The following NKAIN2 variants were observed in gnomAD, a reference collection of about 807,000 sequenced individuals.
NKAIN2 encodes sodium/potassium transporting ATPase interacting 2.
In NKAIN2, 14 loss-of-function variants were observed where a neutral mutation model predicts 32.6. The ratio of observed to expected loss-of-function variants is 0.43; its 90% CI spans 0.28 to 0.67. The LOEUF is 0.67. NKAIN2 is among the 30% of genes least tolerant of loss of function. The probability of loss-of-function intolerance (pLI) is 0.17; values close to 1 mark genes in which losing one functional copy is unlikely to be tolerated. For synonymous variants in NKAIN2, 80 were observed against 87.2 expected, an observed-to-expected ratio of 0.92 and a Z score of 0.46; for missense variants, 198 against 258.3, an observed-to-expected ratio of 0.77 and a Z score of 1.60.
intron 4 of NKAIN2, among the ~76,000 whole-genome samples, chr6:124,721,526 C>T (rs141172209): frequency 0.016 from 2,394 of 152,196 alleles, 30 homozygotes; most frequent in Middle Eastern, 0.034. Context: ...CCGCTGGCTG[C>T]CAAGTTTTAC....
rs573908074 is a variant in NKAIN2 at position 124,258,009 on chromosome 6, G to A, written c.55-24996G>A. ...TTGGCCAGGCTGGTCTCAAACTCCC[G>A]ATCTCAGGTGATTCATTGCCTCGGC... On this transcript the variant is annotated intron_variant, in intron 1 of 6. Transcript: ENST00000368417. Among the ~76,000 whole-genome samples, 14 of 152,004 alleles carry A rather than the reference G, an allele frequency of 9.2e-5. No individual in the cohort carries two copies. In the South Asian group the frequency reaches 1.9e-3, roughly 20 times the overall value.
intron 1 of NKAIN2, among the ~76,000 whole-genome samples, chr6:124,260,070 T>A (rs1252734469): frequency 6.6e-6 from 1 of 152,214 alleles, no homozygotes; most frequent in Admixed American, 6.5e-5. Context: ...TAAATCACTC[T>A]AATAACAAGC....
At chr6:124,172,845 T>G (rs1788963366) in intron 1 of NKAIN2, among the ~76,000 whole-genome samples, 1 of 152,174 alleles carries the variant, frequency 6.6e-6, no homozygotes, top group African/African-American at 2.4e-5. Context: ...AGAAATCAGT[T>G]TCTATCATTT....
intron 2 of NKAIN2, among the ~76,000 whole-genome samples, chr6:124,322,138 C>A (rs1797224280): frequency 6.6e-6 from 1 of 151,852 alleles, no homozygotes; most frequent in East Asian, 1.9e-4. Context: ...CTTTGTAAAC[C>A]AGATTTAGTA....
chr6:124,549,312 G>C (rs1310915478), intron 3 of NKAIN2, among the ~76,000 whole-genome samples: 1 of 152,172 alleles, frequency 6.6e-6, no homozygotes, highest in Non-Finnish European at 1.5e-5. Flanking sequence ...AGGTTGCAGT[G>C]AGCGGAGACT....
intron 4 of NKAIN2, among the ~76,000 whole-genome samples, chr6:124,769,433 G>A (rs1275134088): frequency 1.3e-5 from 2 of 152,128 alleles, no homozygotes; most frequent in Non-Finnish European, 2.9e-5. Context: ...CTCTGTTTCT[G>A]TAGTTCCTCC....
chr6:123,879,524 C>A (rs2114320424), intron 1 of NKAIN2, among the ~76,000 whole-genome samples: 1 of 152,298 alleles, frequency 6.6e-6, no homozygotes. Flanking sequence ...TGACACAGCT[C>A]TGCTCCTGGT....
chr6:124,664,180 C>T (rs925053412), intron 4 of NKAIN2, among the ~76,000 whole-genome samples: 1 of 151,644 alleles, frequency 6.6e-6, no homozygotes, highest in African/African-American at 2.4e-5. Flanking sequence ...GAGGCTGAGG[C>T]AGGAGAATTG....
In NKAIN2 at chr6:124,476,344, T is replaced by C. The variant is rs942506460; in HGVS notation, c.273+120997T>C. ...GAAGCGTCATTACCTCTTAAGGAGG[T>C]TTTAAATCAATCAAACCTGTTTCTT... On this transcript the variant is annotated intron_variant, in intron 3 of 6. Coordinates refer to ENST00000368417, the MANE Select transcript of NKAIN2 (RefSeq NM_001040214.3). Among the ~76,000 whole-genome samples, 9 of 149,312 alleles carry C rather than the reference T, an allele frequency of 6.0e-5. No homozygotes were observed. In the Admixed American group the frequency reaches 6.1e-4, roughly 10 times the overall value.
At chr6:124,499,704 T>G (rs1427322228) in intron 3 of NKAIN2, among the ~76,000 whole-genome samples, 1 of 152,206 alleles carries the variant, frequency 6.6e-6, no homozygotes, top group Non-Finnish European at 1.5e-5. Flanking sequence ...AGAGTCTCTG[T>G]GATCATATCC....
chr6:123,883,894 CAAAA>C (rs369070419), intron 1 of NKAIN2, among the ~76,000 whole-genome samples: 3 of 63,874 alleles, frequency 4.7e-5, no homozygotes, highest in African/African-American at 1.2e-4. Flanking sequence ...GACTCTGTCT[CAAAA>C]AAAAAAAAAA....
At chr6:124,211,147 T>C (rs1303983703) in intron 1 of NKAIN2, among the ~76,000 whole-genome samples, 1 of 151,864 alleles carries the variant, frequency 6.6e-6, no homozygotes, top group East Asian at 1.9e-4. Context: ...TAAATTTTCC[T>C]TGTCTCTCCT....
intron 1 of NKAIN2, among the ~76,000 whole-genome samples, chr6:123,907,506 G>A (rs1294849099): frequency 3.3e-5 from 5 of 152,094 alleles, no homozygotes; most frequent in African/African-American, 9.7e-5. Context: ...AGATTATTAT[G>A]TAAATATATG....
chr6:124,054,813 T>A (rs756149351), intron 1 of NKAIN2, among the ~76,000 whole-genome samples: 3 of 151,966 alleles, frequency 2.0e-5, no homozygotes, highest in East Asian at 1.9e-4. Context: ...TACATTCAGG[T>A]CCCTAGTTTG....
intron 4 of NKAIN2, among the ~76,000 whole-genome samples, chr6:124,710,278 G>C (rs1403435832): frequency 9.9e-5 from 15 of 152,070 alleles, no homozygotes; most frequent in South Asian, 2.1e-4. Flanking sequence ...GAATAGGTGT[G>C]GTGTGGTGCT....
intron 3 of NKAIN2, among the ~76,000 whole-genome samples, chr6:124,642,048 T>C (rs189720254): frequency 1.3e-5 from 2 of 152,254 alleles, no homozygotes; most frequent in African/African-American, 4.8e-5. Context: ...ATCAACCAGA[T>C]CCCAAAGTTA....
chr6:124,706,059 A>T (rs1167714483), intron 4 of NKAIN2, among the ~76,000 whole-genome samples: 3 of 152,054 alleles, frequency 2.0e-5, no homozygotes, highest in Non-Finnish European at 4.4e-5. Context: ...AATGATAATG[A>T]TTGTAGGATC....
intron 1 of NKAIN2, among the ~76,000 whole-genome samples, chr6:123,825,626 T>G (rs2114899937): frequency 6.6e-6 from 1 of 152,206 alleles, no homozygotes. Flanking sequence ...ATGGGCATAT[T>G]CAGCTACCCC....
intron 1 of NKAIN2, among the ~76,000 whole-genome samples, chr6:124,036,264 A>G (rs1226939119): frequency 6.6e-6 from 1 of 152,096 alleles, no homozygotes; most frequent in African/African-American, 2.4e-5. Context: ...ACTGTTTACA[A>G]ACTTGTGTGG....
Sources: allele counts gnomAD v4.1 joint callset (sites outside exome capture counted in the v4.1 genomes callset), GRCh38; gene constraint gnomAD v4.1.1; transcripts MANE v1.5; gene names NCBI Gene and HGNC (gene_info 2026-07-23, HGNC 2026-07-21).